NME9: variants seen among roughly 807,000 people sequenced by gnomAD.
NME9 encodes the protein NME/NM23 family member 9.
Under a neutral mutation model 44.4 loss-of-function variants are expected in NME9, and 48 were observed. The ratio of observed to expected loss-of-function variants is 1.08; its 90% CI spans 0.86 to 1.37. NME9 has a LOEUF of 1.37. Ranked by LOEUF, NME9 falls within the 40% of genes most tolerant of loss-of-function variation. The probability of loss-of-function intolerance (pLI) is 0.00; values close to 1 mark genes in which losing one functional copy is unlikely to be tolerated. For missense variants in NME9, 325 were observed against 405.2 expected (o/e 0.80, Z 1.70); for synonymous variants, 139 against 147.1 (o/e 0.94, Z 0.40).
chr3:138,329,120 C>T (rs2053969153), intron 1 of NME9, among the ~76,000 whole-genome samples, 183 bp downstream of exon 1: 1 of 152,216 alleles, frequency 6.6e-6, no homozygotes, highest in South Asian at 2.1e-4. Context: ...AATTTGTCAT[C>T]ACTGGGGTTC....
downstream of NME9, chr3:138,296,408 T>A (rs2051488250): frequency 2.0e-5 from 3 of 152,264 alleles, no homozygotes; most frequent in South Asian, 6.2e-4. Flanking sequence ...ACAGTTTGAA[T>A]GAAATGTTAT....
chr3:138,262,597 TAA>T (rs748034610), intron 8 of NME9: 8,241 of 1,333,186 alleles, frequency 6.2e-3, no homozygotes, highest in Admixed American at 0.027. Flanking sequence ...CTGAGGAGAT[TAA>T]AAAAAAAAAA....
intron 9 of NME9, among the ~76,000 whole-genome samples, chr3:138,304,495 T>G (rs1363591495): frequency 6.6e-6 from 1 of 152,186 alleles, no homozygotes; most frequent in East Asian, 1.9e-4. Flanking sequence ...GAGACTACAG[T>G]GCAGATTCTC....
chr3:138,308,946 A>G (rs1361504693), intron 6 of NME9, among the ~76,000 whole-genome samples: 2 of 94,846 alleles, frequency 2.1e-5, no homozygotes, highest in African/African-American at 9.2e-5. Context: ...ATACTGAAAG[A>G]AAAAAAAAAA....
chr3:138,269,271 A>G (rs2108290494), intron 8 of NME9, among the ~76,000 whole-genome samples: 1 of 152,306 alleles, frequency 6.6e-6, no homozygotes, highest in African/African-American at 2.4e-5. Flanking sequence ...ATTGCTTCTG[A>G]CGTTTCTATA....
chr3:138,274,600 T>A, intron 8 of NME9: 1 of 1,269,372 alleles, frequency 7.9e-7, no homozygotes, highest in South Asian at 1.2e-5. Context: ...CAAAGGAAGT[T>A]CTTAAGAGTC....
downstream of NME9, among the ~76,000 whole-genome samples, chr3:138,299,864 G>A (rs2051750728): frequency 6.6e-6 from 1 of 152,206 alleles, no homozygotes; most frequent in Admixed American, 6.5e-5. Context: ...AATGTTGGAA[G>A]ATCCTTGGCT....
rs529798990 is a variant in NME9 at position 138,328,966 on chromosome 3, T to C, written c.33+337A>G. 1.1e-3 allele frequency among the ~76,000 whole-genome samples: 166 copies of C among 152,304 alleles called. 1 individual carries two copies. Among genetic ancestry groups the C allele is most frequent in the Non-Finnish European group, 2.0e-3 (136 of 68,022 alleles). On this transcript the variant is annotated intron_variant, in intron 1 of 10. Coordinates refer to ENST00000333911, the MANE Select transcript of NME9 (RefSeq NM_001349018.2). ...CAGTTGTATTTCAACAAGAACAAAA[T>C]AACGGTCACATCGAGTTATGTTGAT... is the stretch of plus-strand genomic sequence containing the variant.
At chr3:138,309,810 C>T (rs1381030379) in intron 6 of NME9, among the ~76,000 whole-genome samples, 1 of 151,988 alleles carries the variant, frequency 6.6e-6, no homozygotes, top group Non-Finnish European at 1.5e-5. Flanking sequence ...GGCAGATCAC[C>T]TGAGGTCGGG....
In NME9 at chr3:138,314,342, A is replaced by G; in HGVS notation, c.450T>C (p.Asp150=). ...TGGTTCTGCACTCACCCATGTCCTC[A>G]TCTTCACCATTATTCTTTCCATGGG... ...CVSHGKNNGE[D]EDMVSSERTC... The change falls in exon 6 of 11, where the codon GAT becomes GAC. Residue 150 remains aspartate, a synonymous_variant. Transcript: ENST00000333911. 6.2e-7 allele frequency: 1 copy of G among 1,603,006 alleles called. No homozygotes were observed. The highest frequency in any genetic ancestry group is 8.5e-7 in the Non-Finnish European group (1 of 1,170,998).
At chr3:138,325,030 C>G in intron 1 of NME9, 100 bp from the exon 2 acceptor site, 1 of 924,192 alleles carries the variant, frequency 1.1e-6, no homozygotes, top group Non-Finnish European at 1.7e-6. Flanking sequence ...CTCTGAAATA[C>G]TTACAAGTAC....
chr3:138,309,516 C>A (rs1459116152), intron 6 of NME9, among the ~76,000 whole-genome samples: 1 of 151,920 alleles, frequency 6.6e-6, no homozygotes, highest in East Asian at 1.9e-4. Context: ...GAAACCCTGT[C>A]TCTACTAAAA....
At position 138,318,673 on chromosome 3, in the gene NME9, C is replaced by T. The variant is rs1285701439; in HGVS notation, c.196-454G>A. ...CTGCAGAGTCCTTGAAGTCCAACTTCTTGAGTGATTATTGTAAGTTATATT... is the reference window on the plus strand; with the variant it reads ...CTGCAGAGTCCTTGAAGTCCAACTTTTTGAGTGATTATTGTAAGTTATATT... On this transcript the variant is annotated intron_variant, in intron 3 of 10. Coordinates refer to ENST00000333911, the MANE Select transcript of NME9 (RefSeq NM_001349018.2). 5.9e-5 allele frequency among the ~76,000 whole-genome samples: 9 copies of T among 152,202 alleles called. No homozygotes were observed. The South Asian group carries it at 1.7e-3, about 28-fold the overall frequency.
chr3:138,264,253 A>G lies in NME9; in HGVS notation c.746-1667T>C, dbSNP rs1264122079. On this transcript the variant is annotated intron_variant, in intron 8 of 8. Coordinates refer to the NME9 transcript ENST00000317876. ...CAGCCAGTAACAGCTGTACTCACAG[A>G]CCCTAGAGTGAGCTGAGCTAGCTAA... is the stretch of plus-strand genomic sequence containing the variant. The G allele has an allele frequency of 2.6e-6, 4 of 1,524,348 alleles. No homozygotes were observed. The South Asian group carries it at 4.5e-5, about 17-fold the overall frequency. The allele number at this position is 1,524,348 out of a possible 1,614,324, so 94.4% of individuals were successfully genotyped here.
At chr3:138,294,938 G>A (rs563260707) in intron 8 of NME9, among the ~76,000 whole-genome samples, 16 of 147,706 alleles carry the variant, frequency 1.1e-4, no homozygotes, top group East Asian at 2.0e-4. Context: ...CACTCTTGTC[G>A]CACAGGCTGG....
At chr3:138,264,650 CCA>C (rs896119474) in intron 8 of NME9, among the ~76,000 whole-genome samples, 10 of 151,716 alleles carry the variant, frequency 6.6e-5, no homozygotes, top group African/African-American at 2.4e-4. Context: ...GAACTCCTGA[CCA>C]CGTGATCTGC....
At chr3:138,263,563 G>C (rs2047965037) in intron 8 of NME9, 6 of 641,174 alleles carry the variant, frequency 9.4e-6, no homozygotes, top group East Asian at 2.7e-5. Context: ...TAGTGGGCTA[G>C]ACCTACCTTT....
In NME9 at chr3:138,329,681, A is replaced by T; in HGVS notation, c.-346T>A. On this transcript the variant is annotated 5_prime_UTR_variant, in exon 1 of 11. Coordinates refer to ENST00000333911, the MANE Select transcript of NME9 (RefSeq NM_001349018.2). ...GGGCGCGGTGCAGCCTGTCGGGCAC[A>T]GGGTCGCCAGTCGAGGAATTCTGAC... 5.9e-5 allele frequency: 67 copies of T among 1,126,374 alleles called. No individual in the cohort carries two copies. Among genetic ancestry groups the T allele is most frequent in the East Asian group, 4.0e-4 (7 of 17,626 alleles). The allele number at this position is 1,126,374 out of a possible 1,614,324, so 69.8% of individuals were successfully genotyped here.
chr3:138,281,259 A>G (rs2049888071), intron 8 of NME9, among the ~76,000 whole-genome samples: 1 of 150,852 alleles, frequency 6.6e-6, no homozygotes, highest in Non-Finnish European at 1.5e-5. Context: ...TCCTTAGCTC[A>G]CATATTCAAT....
Sources: allele counts gnomAD v4.1 joint callset (sites outside exome capture counted in the v4.1 genomes callset), GRCh38; gene constraint gnomAD v4.1.1; transcripts MANE v1.5; gene names NCBI Gene and HGNC (gene_info 2026-07-23, HGNC 2026-07-21).